The following AAMDC variants were observed in gnomAD, a reference collection of about 807,000 sequenced individuals.
AAMDC encodes mth938 domain-containing protein.
In AAMDC, 16 loss-of-function variants were observed where a neutral mutation model predicts 15.5. That is an observed-to-expected ratio of 1.03 (90% CI 0.70 to 1.57). AAMDC has a LOEUF of 1.57. AAMDC is among the 40% of genes most tolerant of loss of function. The pLI, the probability that AAMDC is intolerant of heterozygous loss-of-function variation, is 0.00. For missense variants in AAMDC, 141 were observed against 144.9 expected (o/e 0.97, Z 0.14); for synonymous variants, 51 against 51.6 (o/e 0.99, Z 0.05).
At chr11:77,900,913 C>T, downstream of AAMDC, 1 of 411,018 alleles carries the variant, frequency 2.4e-6, no homozygotes, top group East Asian at 4.6e-5. Flanking sequence ...GAGGTAGATG[C>T]TGTCTTCATT....
intron 2 of AAMDC, among the ~76,000 whole-genome samples, chr11:77,868,358 T>C (rs1003612539): frequency 1.8e-4 from 17 of 94,786 alleles, no homozygotes; most frequent in Non-Finnish European, 2.8e-4. Flanking sequence ...CCCAGCCGCC[T>C]TTTTTTTTTT....
At chr11:77,848,952 G>A (rs1259877819) in intron 2 of AAMDC, among the ~76,000 whole-genome samples, 3 of 151,920 alleles carry the variant, frequency 2.0e-5, no homozygotes, top group Non-Finnish European at 4.4e-5. Flanking sequence ...CACAATGCCT[G>A]GCTAATTTAT....
At chr11:77,840,804 A>G (rs1186511374) in intron 1 of AAMDC, among the ~76,000 whole-genome samples, 3 of 152,044 alleles carry the variant, frequency 2.0e-5, no homozygotes, top group Non-Finnish European at 4.4e-5. Flanking sequence ...TTTAGATAAC[A>G]TATTGTAGGA....
At chr11:77,821,647 A>G (rs1948907844) in intron 1 of AAMDC, among the ~76,000 whole-genome samples, 1 of 151,340 alleles carries the variant, frequency 6.6e-6, no homozygotes, top group African/African-American at 2.4e-5. Flanking sequence ...GTGGGCTGGG[A>G]CTCCATTGAG....
chr11:77,869,215 A>G (rs1182575543), intron 2 of AAMDC: 2 of 197,464 alleles, frequency 1.0e-5, no homozygotes, highest in Non-Finnish European at 2.1e-5. Context: ...TTACTGGAAG[A>G]TGGTTGTTCC....
At chr11:77,857,424 T>A (rs908412523) in intron 2 of AAMDC, among the ~76,000 whole-genome samples, 1 of 152,188 alleles carries the variant, frequency 6.6e-6, no homozygotes, top group East Asian at 1.9e-4. Context: ...GCTCTTCAAT[T>A]TGTCACTATC....
intron 2 of AAMDC, among the ~76,000 whole-genome samples, chr11:77,848,584 G>A (rs1369644676): frequency 3.3e-5 from 5 of 152,010 alleles, no homozygotes; most frequent in Non-Finnish European, 5.9e-5. Context: ...GGTCTCGAAC[G>A]CCTGACCTCA....
At chr11:77,872,423 A>G (rs772202811), downstream of AAMDC, 3 of 1,369,248 alleles carry the variant, frequency 2.2e-6, no homozygotes, top group Non-Finnish European at 2.9e-6. Context: ...TACTCATGCC[A>G]GGTCCTGTGC....
At chr11:77,873,995 C>A (rs1951527773), downstream of AAMDC, among the ~76,000 whole-genome samples, 1 of 152,226 alleles carries the variant, frequency 6.6e-6, no homozygotes, top group African/African-American at 2.4e-5. Flanking sequence ...CTACAGGGAC[C>A]AATCTATAGA....
intron 1 of AAMDC, among the ~76,000 whole-genome samples, chr11:77,824,881 C>A (rs1349212211): frequency 6.6e-6 from 1 of 152,156 alleles, no homozygotes; most frequent in Non-Finnish European, 1.5e-5. Flanking sequence ...CCTATATAAT[C>A]CCAATTAGCA....
At chr11:77,823,046 C>T (rs145438967) in intron 1 of AAMDC, among the ~76,000 whole-genome samples, 6 of 151,936 alleles carry the variant, frequency 3.9e-5, no homozygotes, top group African/African-American at 1.5e-4. Flanking sequence ...AAACCCGTCT[C>T]TACTAAAAAT....
intron 1 of AAMDC, among the ~76,000 whole-genome samples, chr11:77,838,514 C>T (rs1324219058): frequency 6.6e-6 from 1 of 152,104 alleles, no homozygotes. Flanking sequence ...TTGGACTTGC[C>T]AGCCTCCAAA....
rs1340832684 is a variant in AAMDC at position 77,869,785 on chromosome 11, G to A, written c.196G>A (p.Val66Met). ...TGTTGAGAAGGGTGTACAGACTCTTGTGATTGGCCGAGGGATGAGTGAGGC... is the reference window on the plus strand; with the variant it reads ...TGTTGAGAAGGGTGTACAGACTCTTATGATTGGCCGAGGGATGAGTGAGGC... ...EVVEKGVQTLVIGRGMSEALK... is the reference protein window; with the variant it reads ...EVVEKGVQTLMIGRGMSEALK... Residue 66 changes from valine (V) to methionine (M), a missense_variant, in exon 3 of 4, where the codon GTG becomes ATG. By Grantham distance (21) the Val-to-Met change is conservative (BLOSUM62 1). Coordinates refer to ENST00000393427, the MANE Select transcript of AAMDC (RefSeq NM_024684.4). The A allele has an allele frequency of 1.2e-6, 2 of 1,614,032 alleles. No individual in the cohort carries two copies. Among genetic ancestry groups the A allele is most frequent in the South Asian group, 2.2e-5 (2 of 91,080 alleles).
chr11:77,839,827 CA>C (rs765501039), intron 1 of AAMDC, among the ~76,000 whole-genome samples: 6 of 151,638 alleles, frequency 4.0e-5, no homozygotes, highest in Non-Finnish European at 7.4e-5. Flanking sequence ...TGGTGGGGGT[CA>C]GGGGGAGGGA....
At chr11:77,868,166 C>T (rs368456552) in intron 2 of AAMDC, among the ~76,000 whole-genome samples, 17 of 151,318 alleles carry the variant, frequency 1.1e-4, no homozygotes, top group African/African-American at 4.1e-4. Context: ...CGCCATTCTC[C>T]TGCCTCAGCC....
At chr11:77,875,265 CACAG>C (rs754573481), downstream of AAMDC, among the ~76,000 whole-genome samples, 11 of 152,276 alleles carry the variant, frequency 7.2e-5, no homozygotes, top group South Asian at 1.7e-3. Flanking sequence ...GGGCATACAG[CACAG>C]ACATTCTTAC....
At chr11:77,880,733 G>GA in intron 5 of AAMDC, among the ~76,000 whole-genome samples, 1 of 152,202 alleles carries the variant, frequency 6.6e-6, no homozygotes, top group Non-Finnish European at 1.5e-5. Flanking sequence ...CAAGGCAGGA[G>GA]AATCACTTGA....
chr11:77,897,378 TAAAG>T (rs1373186654), intron 5 of AAMDC, among the ~76,000 whole-genome samples: 4 of 151,272 alleles, frequency 2.6e-5, no homozygotes, highest in African/African-American at 4.9e-5. Context: ...AAAATAAAAA[TAAAG>T]AAGGATATAC....
chr11:77,900,709 G>A, exon 6 of AAMDC: 1 of 671,358 alleles, frequency 1.5e-6, no homozygotes, highest in East Asian at 2.7e-5. Context: ...AACACTATGG[G>A]ACACCATCAA....
Sources: gnomAD v4.1 joint callset for allele counts (sites outside exome capture counted in the v4.1 genomes callset) on GRCh38, gnomAD v4.1.1 for gene constraint, MANE v1.5 for transcripts, NCBI Gene and HGNC (gene_info 2026-07-23, HGNC 2026-07-21) for gene names.